The following EXOC4 variants were observed in gnomAD, a reference collection of about 807,000 sequenced individuals.
EXOC4 encodes exocyst complex component 4, also known as SEC8-like 1.
EXOC4 carries 71 observed loss-of-function variants against 107.2 expected under a neutral mutation model. That is an observed-to-expected ratio of 0.66 (90% CI 0.55 to 0.81). EXOC4 has a LOEUF of 0.81. Among genes scored for constraint, EXOC4 ranks in the 30% least tolerant of loss-of-function variants. The pLI is 0.00. For synonymous variants in EXOC4, 456 were observed against 441.2 expected (o/e 1.03, Z -0.42); for missense variants, 1,108 against 1,189.6 (o/e 0.93, Z 1.01).
chr7:133,747,463 A>G (rs1382578120), intron 10 of EXOC4, among the ~76,000 whole-genome samples: 3 of 152,156 alleles, frequency 2.0e-5, no homozygotes, highest in Non-Finnish European at 4.4e-5. Context: ...TTTTTCTTAC[A>G]GGGAATAAAC....
chr7:133,290,275 G>A (rs535773728), intron 3 of EXOC4, among the ~76,000 whole-genome samples: 18 of 152,232 alleles, frequency 1.2e-4, no homozygotes, highest in African/African-American at 4.3e-4. Context: ...CAGCCTGGGC[G>A]ATAGAGCAAG....
chr7:133,942,156 A>G (rs557317922), intron 14 of EXOC4, among the ~76,000 whole-genome samples: 117 of 152,072 alleles, frequency 7.7e-4, no homozygotes, highest in Admixed American at 1.9e-3. Context: ...TTTTGTCACC[A>G]TGGCTTCCTT....
chr7:133,616,301 T>A (rs774393605), intron 9 of EXOC4, among the ~76,000 whole-genome samples: 2 of 152,134 alleles, frequency 1.3e-5, no homozygotes, highest in Non-Finnish European at 2.9e-5. Context: ...TACATCATAA[T>A]GTGAACTTCA....
At chr7:133,625,912 TAAG>T (rs1362161320) in intron 9 of EXOC4, among the ~76,000 whole-genome samples, 1 of 152,014 alleles carries the variant, frequency 6.6e-6, no homozygotes, top group Non-Finnish European at 1.5e-5. Flanking sequence ...ACATGTTCCT[TAAG>T]AAGGCTCCTG....
intron 9 of EXOC4, among the ~76,000 whole-genome samples, chr7:133,504,525 G>C (rs1054613879): frequency 1.3e-5 from 2 of 152,098 alleles, no homozygotes; most frequent in Non-Finnish European, 2.9e-5. Context: ...GAGGGTGTCA[G>C]CTGTTCTACT....
the EXOC4 span, among the ~76,000 whole-genome samples, chr7:134,082,180 CA>C: frequency 8.7e-5 from 5 of 57,726 alleles, no homozygotes; most frequent in Admixed American, 6.8e-4. Flanking sequence ...GCTGGTTGCC[CA>C]TTTTTTTTTT....
At chr7:133,521,909 A>G (rs537555687) in intron 9 of EXOC4, among the ~76,000 whole-genome samples, 24 of 152,094 alleles carry the variant, frequency 1.6e-4, no homozygotes, top group African/African-American at 5.8e-4. Context: ...GTGAGCCACC[A>G]TGCCCGGCCC....
intron 6 of EXOC4, among the ~76,000 whole-genome samples, chr7:133,356,862 C>G (rs1796032409): frequency 1.3e-5 from 2 of 152,200 alleles, no homozygotes; most frequent in Non-Finnish European, 2.9e-5. Context: ...TGCCTGTAAT[C>G]CCAGCTGTTC....
chr7:133,380,351 T>G (rs1218328174), intron 7 of EXOC4, among the ~76,000 whole-genome samples: 1 of 152,058 alleles, frequency 6.6e-6, no homozygotes, highest in South Asian at 2.1e-4. Flanking sequence ...AACAGCTTTA[T>G]TGAAATATAA....
intron 14 of EXOC4, among the ~76,000 whole-genome samples, chr7:133,974,990 C>A (rs549639779): frequency 2.4e-4 from 37 of 151,232 alleles, no homozygotes; most frequent in African/African-American, 9.0e-4. Flanking sequence ...TTTGCAGCAA[C>A]TAAGTAAATT....
intron 5 of EXOC4, among the ~76,000 whole-genome samples, chr7:133,321,897 CT>C (rs1391768857): frequency 6.6e-6 from 1 of 152,176 alleles, no homozygotes; most frequent in Non-Finnish European, 1.5e-5. Context: ...CGTTTCCTGA[CT>C]TTTTAATGAT....
At chr7:133,873,173 T>A (rs1798784213) in intron 11 of EXOC4, among the ~76,000 whole-genome samples, 1 of 152,204 alleles carries the variant, frequency 6.6e-6, no homozygotes, top group African/African-American at 2.4e-5. Context: ...TGTGGTGGTG[T>A]GCACCTGATT....
chr7:133,845,431 C>T lies in EXOC4; in HGVS notation c.1734+27887C>T, dbSNP rs143904207. On this transcript the variant is annotated intron_variant, in intron 11 of 17. Transcript: ENST00000253861. ...ATATTTTATATATATCTTATATATACTAGATATATAAGATATATATAAAAG... is the reference window on the plus strand; with the variant it reads ...ATATTTTATATATATCTTATATATATTAGATATATAAGATATATATAAAAG... Among the ~76,000 whole-genome samples, 357 of 145,108 alleles carry T rather than the reference C, an allele frequency of 2.5e-3. 5 individuals carry two copies. The highest frequency in any genetic ancestry group is 8.4e-3 in the African/African-American group (333 of 39,580).
In EXOC4 at chr7:134,064,532, G is replaced by A; in HGVS notation, c.*4G>A. 6.4e-7 allele frequency: 1 copy of A among 1,557,760 alleles called. No individual in the cohort carries two copies. The highest frequency in any genetic ancestry group is 1.2e-5 in the South Asian group (1 of 85,742). ...CAAGAAGATAACTACCGTTTAGCAG[G>A]GCGTACTGCGGTTGGTGACGGGGGT... On this transcript the variant is annotated 3_prime_UTR_variant, in exon 18 of 18. Transcript: ENST00000253861.
chr7:133,558,189 CTCTTT>C (rs11275864), intron 9 of EXOC4, among the ~76,000 whole-genome samples: 13,597 of 113,892 alleles, frequency 0.12, 759 homozygotes, highest in South Asian at 0.17. Flanking sequence ...TTGGTTCCTT[CTCTTT>C]TCTTTTCTTT....
At chr7:133,745,041 G>C (rs1015738004) in intron 10 of EXOC4, among the ~76,000 whole-genome samples, 4 of 152,114 alleles carry the variant, frequency 2.6e-5, no homozygotes, top group African/African-American at 9.7e-5. Context: ...AATTTGCCAA[G>C]GAGATAATTT....
At chr7:133,934,677 T>C (rs1800257357) in intron 13 of EXOC4, among the ~76,000 whole-genome samples, 1 of 152,136 alleles carries the variant, frequency 6.6e-6, no homozygotes, top group Non-Finnish European at 1.5e-5. Flanking sequence ...TTCAAAGCCA[T>C]TTGCCCCCCG....
intron 14 of EXOC4, among the ~76,000 whole-genome samples, chr7:133,990,378 T>G (rs894922115): frequency 6.6e-6 from 1 of 151,986 alleles, no homozygotes; most frequent in Non-Finnish European, 1.5e-5. Context: ...TATTTGTCTT[T>G]CTGTGCTAGC....
intron 3 of EXOC4, among the ~76,000 whole-genome samples, chr7:133,293,475 T>C (rs998026877): frequency 6.6e-6 from 1 of 152,182 alleles, no homozygotes; most frequent in African/African-American, 2.4e-5. Context: ...TCCTTGGATT[T>C]GTTTGTCAGA....
Sources: allele counts gnomAD v4.1 joint callset (sites outside exome capture counted in the v4.1 genomes callset), GRCh38; gene constraint gnomAD v4.1.1; transcripts MANE v1.5; gene names NCBI Gene and HGNC (gene_info 2026-07-23, HGNC 2026-07-21).